The following ARHGAP22 variants were observed in gnomAD, a reference collection of about 807,000 sequenced individuals.
ARHGAP22 encodes rho GTPase-activating protein 22.
ARHGAP22 carries 48 observed loss-of-function variants against 59.1 expected under a neutral mutation model. That is an observed-to-expected ratio of 0.81 (90% CI 0.64 to 1.03). ARHGAP22 has a LOEUF of 1.03. Ranked by LOEUF, ARHGAP22 falls within the 50% of genes least tolerant of loss-of-function variation. The probability of loss-of-function intolerance (pLI) is 0.00; values close to 1 mark genes in which losing one functional copy is unlikely to be tolerated. For synonymous variants in ARHGAP22, 445 were observed against 416.4 expected (o/e 1.07, Z -0.84); for missense variants, 1,015 against 958.7 (o/e 1.06, Z -0.78).
intron 1 of ARHGAP22, among the ~76,000 whole-genome samples, chr10:48,618,625 A>C (rs1354811203): frequency 2.6e-5 from 4 of 152,052 alleles, no homozygotes; most frequent in African/African-American, 9.7e-5. Flanking sequence ...TGTATAAAAA[A>C]CATTAGATAA....
At chr10:48,435,054 A>C in the ARHGAP22 span, 101 of 373,702 alleles carry the variant, frequency 2.7e-4, no homozygotes, top group Non-Finnish European at 4.2e-4. Flanking sequence ...GGGGGGTGGG[A>C]GGGATGGGGA....
At chr10:48,457,144 C>T (rs1473694401) in intron 5 of ARHGAP22, among the ~76,000 whole-genome samples, 3 of 152,244 alleles carry the variant, frequency 2.0e-5, no homozygotes, top group Admixed American at 6.5e-5. Flanking sequence ...TCTGCAGGTT[C>T]CTCGTCACCT....
At chr10:48,567,008 T>C (rs1375185017) in intron 2 of ARHGAP22, among the ~76,000 whole-genome samples, 1 of 152,116 alleles carries the variant, frequency 6.6e-6, no homozygotes, top group Non-Finnish European at 1.5e-5. Context: ...CCCTCAAGGA[T>C]CTTCAGGTCT....
At chr10:48,480,525 CTGCCAGTAGGGTG>C in intron 3 of ARHGAP22, among the ~76,000 whole-genome samples, 1 of 152,210 alleles carries the variant, frequency 6.6e-6, no homozygotes, top group Non-Finnish European at 1.5e-5. Context: ...CCTGGACTAT[CTGCCAGTAGGGTG>C]TGAGATCCAC....
intron 1 of ARHGAP22, among the ~76,000 whole-genome samples, chr10:48,639,255 C>T (rs1032293255): frequency 6.6e-6 from 1 of 152,120 alleles, no homozygotes; most frequent in Non-Finnish European, 1.5e-5. Context: ...ATGGGGAGGA[C>T]CAATGCTCAA....
chr10:48,557,240 G>A (rs2057366768), intron 2 of ARHGAP22, among the ~76,000 whole-genome samples: 1 of 152,032 alleles, frequency 6.6e-6, no homozygotes, highest in African/African-American at 2.4e-5. Flanking sequence ...CTGGCTAACG[G>A]GATGCATCTT....
At chr10:48,437,983 G>A in the ARHGAP22 span, 1 of 152,228 alleles carries the variant, frequency 6.6e-6, no homozygotes, top group Non-Finnish European at 1.5e-5. Flanking sequence ...TCTTTCCTTG[G>A]TTACAGATAA....
intron 3 of ARHGAP22, among the ~76,000 whole-genome samples, chr10:48,542,746 G>T (rs2056078492): frequency 6.6e-6 from 1 of 152,216 alleles, no homozygotes. Flanking sequence ...TTGTGGGGAT[G>T]GGTCTGTTGC....
chr10:48,513,052 T>G (rs1474990794), intron 3 of ARHGAP22, among the ~76,000 whole-genome samples: 1 of 152,118 alleles, frequency 6.6e-6, no homozygotes, highest in African/African-American at 2.4e-5. Flanking sequence ...CCCCACCCAC[T>G]CTTTTTTAAT....
intron 3 of ARHGAP22, among the ~76,000 whole-genome samples, chr10:48,505,442 C>T (rs1306449464): frequency 1.3e-5 from 2 of 152,218 alleles, no homozygotes; most frequent in African/African-American, 2.4e-5. Flanking sequence ...CATGAGACCA[C>T]GTCCAGCAGC....
At chr10:48,452,873 C>T (rs1216566044) in intron 8 of ARHGAP22, among the ~76,000 whole-genome samples, 1 of 152,212 alleles carries the variant, frequency 6.6e-6, no homozygotes, top group Non-Finnish European at 1.5e-5. Flanking sequence ...TATTTTTAAT[C>T]ACTTATTGTT....
At chr10:48,592,933 G>A (rs1222031118) in intron 1 of ARHGAP22, among the ~76,000 whole-genome samples, 2 of 152,236 alleles carry the variant, frequency 1.3e-5, no homozygotes, top group Non-Finnish European at 2.9e-5. Context: ...AACCCTGCAG[G>A]TTCCTGAGCT....
chr10:48,639,418 A>T (rs1356482682), intron 1 of ARHGAP22, among the ~76,000 whole-genome samples: 1 of 152,226 alleles, frequency 6.6e-6, no homozygotes, highest in Non-Finnish European at 1.5e-5. Context: ...GAAAGGTCCA[A>T]CAGAAAGTAA....
chr10:48,446,616 G>A lies in ARHGAP22; in HGVS notation c.1872C>T (p.Ile624=), dbSNP rs76892664. 17 of 1,613,342 alleles carry A rather than the reference G, an allele frequency of 1.1e-5. No homozygotes were observed. Among genetic ancestry groups the A allele is most frequent in the African/African-American group, 4.0e-5 (3 of 74,826 alleles). Residue 624 remains isoleucine (I), a synonymous_variant, in exon 10 of 10, where the codon ATC becomes ATT. Transcript: ENST00000249601. ...RTEYERSVKR[I]EEGSADLRKR... ...TTCTCAGGTCAGCACTCCCTTCTTC[G>A]ATTCTGAAAAGTCAAGGAGAGATGC...
At chr10:48,588,454 C>A (rs1231586566) in intron 1 of ARHGAP22, among the ~76,000 whole-genome samples, 1 of 152,234 alleles carries the variant, frequency 6.6e-6, no homozygotes, top group Non-Finnish European at 1.5e-5. Flanking sequence ...CTGTTCCGGT[C>A]TTCAGCACTT....
At chr10:48,647,100 G>C (rs974527873) in intron 1 of ARHGAP22, among the ~76,000 whole-genome samples, 11 of 152,260 alleles carry the variant, frequency 7.2e-5, no homozygotes, top group African/African-American at 2.2e-4. Context: ...TACCAAAGAA[G>C]ACATACAAAC....
chr10:48,655,153 G>GA (rs113083794), upstream of ARHGAP22, among the ~76,000 whole-genome samples: 1 of 15,502 alleles, frequency 6.5e-5, no homozygotes, highest in Non-Finnish European at 1.2e-4. Flanking sequence ...TCTCCTTCCT[G>GA]TCTCAGGCCC....
intron 1 of ARHGAP22, among the ~76,000 whole-genome samples, chr10:48,632,136 C>T (rs538779593): frequency 1.3e-5 from 2 of 152,298 alleles, no homozygotes; most frequent in African/African-American, 2.4e-5. Context: ...ACCTTCCCCA[C>T]GAGTCCTCAA....
At chr10:48,442,783 A>C (rs1337140877), downstream of ARHGAP22, among the ~76,000 whole-genome samples, 1 of 152,054 alleles carries the variant, frequency 6.6e-6, no homozygotes, top group Non-Finnish European at 1.5e-5. Flanking sequence ...ATTATAGAAA[A>C]ACACGTCTCT....
Sources: gnomAD v4.1 joint callset for allele counts (sites outside exome capture counted in the v4.1 genomes callset) on GRCh38, gnomAD v4.1.1 for gene constraint, MANE v1.5 for transcripts, NCBI Gene and HGNC (gene_info 2026-07-23, HGNC 2026-07-21) for gene names.